CHD7: variants seen among roughly 807,000 people sequenced by gnomAD.
CHD7 encodes ATP-dependent chromatin remodeler CHD7.
A neutral mutation model predicts 307.3 loss-of-function variants in CHD7; 24 were observed. The observed-to-expected ratio is 0.08, with a 90% CI of 0.06 to 0.11. The LOEUF is 0.11. Among genes scored for constraint, CHD7 ranks in the 10% least tolerant of loss-of-function variants. CHD7 has a pLI of 1.00. For synonymous variants in CHD7, 1,363 were observed against 1,349.9 expected, an observed-to-expected ratio of 1.01 and a Z score of -0.21; for missense variants, 3,106 against 3,727.1, an observed-to-expected ratio of 0.83 and a Z score of 4.34.
chr8:60,684,546 G>C (rs1006095667), intron 1 of CHD7, among the ~76,000 whole-genome samples: 2 of 146,760 alleles, frequency 1.4e-5, no homozygotes, highest in Non-Finnish European at 3.1e-5. Flanking sequence ...CAGTTGGGTG[G>C]GGTATTACCC....
At chr8:60,730,399 C>T (rs931743194) in intron 1 of CHD7, among the ~76,000 whole-genome samples, 2 of 152,126 alleles carry the variant, frequency 1.3e-5, no homozygotes, top group Non-Finnish European at 2.9e-5. Flanking sequence ...TGGCATGTTT[C>T]GCTGTGTGAT....
chr8:60,845,014 G>C lies in CHD7; in HGVS notation c.5001G>C (p.Leu1667=), dbSNP rs1195740462. 2 of 1,613,852 alleles carry C rather than the reference G, an allele frequency of 1.2e-6. No individual in the cohort carries two copies. The highest frequency in any genetic ancestry group is 1.3e-5 in the African/African-American group (1 of 74,888). ...DENIKSFIWD[L]ITPTADGQTR... ...ATATCAAAAGCTTCATCTGGGATCT[G>C]ATCACACCCACAGCGGATGGCCAGA... The change falls in exon 22 of 38, where the codon CTG becomes CTC. Residue 1667 remains leucine (L), a synonymous_variant. Coordinates refer to ENST00000423902, the MANE Select transcript of CHD7 (RefSeq NM_017780.4).
intron 2 of CHD7, among the ~76,000 whole-genome samples, chr8:60,755,900 T>C (rs1369731762): frequency 6.6e-6 from 1 of 152,230 alleles, no homozygotes; most frequent in Non-Finnish European, 1.5e-5. Context: ...ATGCTAATAA[T>C]GAGTGTTTGT....
intron 1 of CHD7, among the ~76,000 whole-genome samples, chr8:60,709,530 T>C (rs1342648595): frequency 6.6e-6 from 1 of 152,216 alleles, no homozygotes; most frequent in Non-Finnish European, 1.5e-5. Flanking sequence ...CTTTTTTGCT[T>C]TTCTGACTAG....
intron 1 of CHD7, among the ~76,000 whole-genome samples, chr8:60,683,383 A>T (rs1805727492): frequency 6.6e-6 from 1 of 152,184 alleles, no homozygotes; most frequent in South Asian, 2.1e-4. Flanking sequence ...TCCATAGCTG[A>T]TTATGGTGGT....
intron 1 of CHD7, among the ~76,000 whole-genome samples, chr8:60,682,024 A>G (rs1805655210): frequency 6.6e-6 from 1 of 152,222 alleles, no homozygotes. Flanking sequence ...GGCACAATAC[A>G]GGAATGGTAG....
At chr8:60,807,721 G>A (rs1812601880) in intron 6 of CHD7, among the ~76,000 whole-genome samples, 1 of 152,166 alleles carries the variant, frequency 6.6e-6, no homozygotes, top group Admixed American at 6.5e-5. Context: ...ACTTTTATAT[G>A]GTTTCTTGTT....
intron 1 of CHD7, among the ~76,000 whole-genome samples, chr8:60,733,741 G>A (rs1808570724): frequency 6.6e-6 from 1 of 152,012 alleles, no homozygotes; most frequent in South Asian, 2.1e-4. Flanking sequence ...GAAAGGAAAC[G>A]TTAGCCTCAA....
chr8:60,837,104 T>C (rs1804775939), intron 17 of CHD7, 92 bp downstream of exon 17: 1 of 983,652 alleles, frequency 1.0e-6, no homozygotes, highest in Admixed American at 2.4e-5. Flanking sequence ...AAATTAATGT[T>C]GCGTCGTCAC....
intron 1 of CHD7, among the ~76,000 whole-genome samples, chr8:60,704,744 C>T (rs1806936086): frequency 6.6e-6 from 1 of 151,938 alleles, no homozygotes; most frequent in Non-Finnish European, 1.5e-5. Context: ...CAGAATGTGT[C>T]CTAGGTGACA....
At chr8:60,736,774 A>G (rs1808735242) in intron 1 of CHD7, among the ~76,000 whole-genome samples, 1 of 152,204 alleles carries the variant, frequency 6.6e-6, no homozygotes, top group Non-Finnish European at 1.5e-5. Flanking sequence ...AATAGGACAA[A>G]TAGTGTTTGA....
rs1174791970 is a variant in CHD7 at position 60,741,545 on chromosome 8, G to A, written c.113G>A (p.Gly38Asp). ...GYPENPVNPMGQQMPIDQGFA... is the reference protein window; with the variant it reads ...GYPENPVNPMDQQMPIDQGFA... ...CCGGAAAATCCAGTAAATCCTATGG[G>A]TCAGCAAATGCCAATAGACCAAGGC... Residue 38 changes from glycine (G) to aspartate (D), a missense_variant, in exon 2 of 38, where the codon GGT becomes GAT. Coordinates refer to ENST00000423902, the MANE Select transcript of CHD7 (RefSeq NM_017780.4). The A allele has an allele frequency of 2.5e-6, 4 of 1,613,314 alleles. No homozygotes were observed. Among genetic ancestry groups the A allele is most frequent in the Middle Eastern group, 1.6e-4 (1 of 6,084 alleles).
rs371898908 is a variant in CHD7 at position 60,865,129 on chromosome 8, G to T, written c.8190G>T (p.Ala2730=). The stretch of plus-strand genomic sequence containing the variant: ...AAAGTGAGATCGCCAGAGCAGCCGC[G>T]GCCGCCGCTGCTGTGGCCTCCACGT... ...RPKSEIARAA[A]AAAAVASTSG... The change falls in exon 38 of 38, where the codon GCG becomes GCT. Residue 2730 remains alanine (A), a synonymous_variant. Coordinates refer to ENST00000423902, the MANE Select transcript of CHD7 (RefSeq NM_017780.4). This position sits in a 1 kb window ranked among gnomAD's most constrained non-coding sequence, Gnocchi z 4.3. 1.2e-5 allele frequency: 19 copies of T among 1,610,936 alleles called. No individual in the cohort carries two copies. The highest frequency in any genetic ancestry group is 1.5e-5 in the Non-Finnish European group (18 of 1,178,766).
intron 2 of CHD7, among the ~76,000 whole-genome samples, chr8:60,758,847 G>C (rs1314430731): frequency 2.0e-5 from 3 of 152,200 alleles, no homozygotes. Flanking sequence ...TTAAAAAGGG[G>C]CAGGAATAAC....
intron 6 of CHD7, among the ~76,000 whole-genome samples, chr8:60,805,592 A>G (rs1812499139): frequency 6.6e-6 from 1 of 152,216 alleles, no homozygotes; most frequent in Admixed American, 6.5e-5. Flanking sequence ...AGATGGCTGT[A>G]AGAGTCAGAG....
chr8:60,733,772 G>T (rs902655029), intron 1 of CHD7, among the ~76,000 whole-genome samples: 6 of 147,066 alleles, frequency 4.1e-5, no homozygotes, highest in Non-Finnish European at 4.5e-5. Context: ...AGGAACAAAA[G>T]AACAGCTTTT....
At chr8:60,804,126 A>G (rs567353693) in intron 6 of CHD7, among the ~76,000 whole-genome samples, 3 of 152,364 alleles carry the variant, frequency 2.0e-5, no homozygotes, top group African/African-American at 7.2e-5. Context: ...CTCATGTTAA[A>G]TAGGGGTGGC....
At chr8:60,771,902 A>G (rs1217719025) in intron 2 of CHD7, among the ~76,000 whole-genome samples, 3 of 152,186 alleles carry the variant, frequency 2.0e-5, no homozygotes, top group South Asian at 4.1e-4. Context: ...AGTGTCCCCC[A>G]GTCAGACCTA....
intron 1 of CHD7, chr8:60,679,529 C>G (rs1805466666): frequency 6.8e-6 from 1 of 147,660 alleles, no homozygotes; most frequent in African/African-American, 2.4e-5. Flanking sequence ...CACGAGTTGC[C>G]GGCTCCATTC....
Sources: gnomAD v4.1 joint callset for allele counts (sites outside exome capture counted in the v4.1 genomes callset) on GRCh38, gnomAD v4.1.1 for gene constraint, Gnocchi (gnomAD v3.1) non-coding constraint, MANE v1.5 for transcripts, NCBI Gene and HGNC (gene_info 2026-07-23, HGNC 2026-07-21) for gene names.